Variants in ACSM4 observed in about 807,000 individuals in gnomAD.
ACSM4 encodes acyl-CoA synthetase medium chain family member 4.
Under a neutral mutation model 73.0 loss-of-function variants are expected in ACSM4, and 66 were observed. The observed-to-expected ratio is 0.90, with a 90% CI of 0.74 to 1.11. The LOEUF is 1.11. ACSM4 is among the 50% of genes least tolerant of loss of function. The pLI, the probability that ACSM4 is intolerant of heterozygous loss-of-function variation, is 0.00. For synonymous variants in ACSM4, 222 were observed against 254.0 expected (o/e 0.87, Z 1.20); for missense variants, 645 against 714.4 (o/e 0.90, Z 1.11).
chr12:7,324,264 G>GT lies in ACSM4; in HGVS notation c.1309-9_1309-8insT. 1 of 1,611,096 alleles carries GT rather than the reference G, an allele frequency of 6.2e-7. No individual in the cohort carries two copies. Among genetic ancestry groups the GT allele is most frequent in the African/African-American group, 1.3e-5 (1 of 74,992 alleles). On this transcript the variant is annotated splice_polypyrimidine_tract_variant and intron_variant, in intron 9 of 12. Transcript: ENST00000399422. ...AGACTAATCCCCAAATGTCATCCTT[G>GT]GTTCCCAGGACAATCCACAGAAAAC...
intron 3 of ACSM4, among the ~76,000 whole-genome samples, chr12:7,312,723 T>C (rs1326774387): frequency 6.6e-6 from 1 of 152,228 alleles, no homozygotes; most frequent in Non-Finnish European, 1.5e-5. Flanking sequence ...GTTGCAGAAG[T>C]ATCAAATGTG....
rs146719608 is a variant in ACSM4 at position 7,309,924 on chromosome 12, T to G, written c.413-615T>G. The stretch of plus-strand genomic sequence containing the variant: ...TAGGCCTCCTGAGTAGCTGGGACTA[T>G]AGGCGTGCGCCACCACACCTGGCTA... On this transcript the variant is annotated intron_variant, in intron 2 of 12. Coordinates refer to ENST00000399422, the MANE Select transcript of ACSM4 (RefSeq NM_001080454.2). 3.2e-4 allele frequency among the ~76,000 whole-genome samples: 48 copies of G among 152,226 alleles called. No individual in the cohort carries two copies. The East Asian group carries it at 8.9e-3, about 28-fold the overall frequency.
intron 3 of ACSM4, among the ~76,000 whole-genome samples, chr12:7,311,375 A>G (rs1946389318): frequency 6.6e-6 from 1 of 151,616 alleles, no homozygotes; most frequent in South Asian, 2.1e-4. Flanking sequence ...TTCCTCAAAC[A>G]TGCCCTACCT....
At chr12:7,319,047 G>A (rs959530585) in intron 5 of ACSM4, among the ~76,000 whole-genome samples, 9 of 152,144 alleles carry the variant, frequency 5.9e-5, no homozygotes, top group Non-Finnish European at 1.0e-4. Flanking sequence ...AAATTATAAT[G>A]TATAACGAAA....
At position 7,320,795 on chromosome 12, in the gene ACSM4, A is replaced by G. The variant is rs866756202; in HGVS notation, c.992A>G (p.Asp331Gly). 1 of 1,612,594 alleles carries G rather than the reference A, an allele frequency of 6.2e-7. No homozygotes were observed. Among genetic ancestry groups the G allele is most frequent in the South Asian group, 1.1e-5 (1 of 91,014 alleles). ...GTGTACCGGATGCTCGTGCAAAAAG[A>G]CCTTAAGAGGTACTTGGGCAGAAAT... ...PTVYRMLVQK[D>G]LKRYKFKSLR... The change falls in exon 6 of 13, where the codon GAC becomes GGC. Residue 331 changes from aspartate (D) to glycine (G), a missense_variant. Physicochemically the swap from Asp to Gly is moderately conservative, Grantham distance 94. Coordinates refer to ENST00000399422, the MANE Select transcript of ACSM4 (RefSeq NM_001080454.2).
chr12:7,328,307 C>T lies in ACSM4; in HGVS notation c.1677C>T (p.Leu559=), dbSNP rs770919363. 1.0e-5 allele frequency: 16 copies of T among 1,590,082 alleles called. No individual in the cohort carries two copies. The highest frequency in any genetic ancestry group is 1.8e-5 in the Admixed American group (1 of 56,992). Residue 559 remains leucine (L), a synonymous_variant, in exon 13 of 13, where the codon CTC becomes CTT. Transcript: ENST00000399422. ...ATTAGGTGGAATTTGTTCAAGAACT[C>T]CCAAAGACAATCACTGGGAAAATCA... The part of the protein sequence containing the change: ...YPRKVEFVQE[L]PKTITGKIKR...
intron 12 of ACSM4, among the ~76,000 whole-genome samples, chr12:7,327,764 G>C (rs1204343255): frequency 2.0e-5 from 3 of 152,102 alleles, no homozygotes; most frequent in Non-Finnish European, 2.9e-5. Context: ...CTAAATCAGT[G>C]ACTGTTGACT....
intron 1 of ACSM4, among the ~76,000 whole-genome samples, chr12:7,306,075 A>G (rs150882850): frequency 7.9e-5 from 12 of 152,332 alleles, no homozygotes; most frequent in Middle Eastern, 3.4e-3. Flanking sequence ...GATGGGAAAG[A>G]ATCTAATTTA....
rs1474489007 is a variant in ACSM4 at position 7,324,599 on chromosome 12, G to A, written c.1536+1G>A. ...TAGTCCAGATCAAATCCGCGGAGAG[G>A]TAGATGAATGTCATTTATTAAAGAA... is the stretch of plus-strand genomic sequence containing the variant. On this transcript the variant is annotated splice_donor_variant, in intron 11 of 12. Transcript: ENST00000399422. LOFTEE classifies it high-confidence loss of function. The A allele has an allele frequency of 1.5e-5, 24 of 1,613,442 alleles. No homozygotes were observed. Among genetic ancestry groups the A allele is most frequent in the South Asian group, 2.2e-5 (2 of 91,068 alleles).
chr12:7,328,313 G>T lies in ACSM4; in HGVS notation c.1683G>T (p.Lys561Asn). 3.1e-6 allele frequency: 5 copies of T among 1,592,556 alleles called. No individual in the cohort carries two copies. Among genetic ancestry groups the T allele is most frequent in the South Asian group, 1.1e-5 (1 of 87,026 alleles). ...RKVEFVQELP[K>N]TITGKIKRNV... ...TGGAATTTGTTCAAGAACTCCCAAA[G>T]ACAATCACTGGGAAAATCAAACGCA... Residue 561 changes from lysine to asparagine, a missense_variant, in exon 13 of 13, where the codon AAG (lysine) becomes AAT (asparagine). Lys to Asn is a moderately conservative substitution (Grantham distance 94). Transcript: ENST00000399422.
At chr12:7,306,479 A>C in intron 1 of ACSM4, 54 bp from the exon 2 acceptor site, 1 of 1,491,236 alleles carries the variant, frequency 6.7e-7, no homozygotes, top group Non-Finnish European at 9.1e-7. Context: ...GCCGCATGTA[A>C]GAGTAATCAG....
intron 12 of ACSM4, 71 bp from the exon 13 acceptor site, chr12:7,328,216 C>T: frequency 8.4e-7 from 1 of 1,192,018 alleles, no homozygotes; most frequent in Non-Finnish European, 1.2e-6. Context: ...TCCATGCAAG[C>T]TCCTTCCTAT....
rs371304293 is a variant in ACSM4, at chr12:7,308,381, A to C, written c.412+1638A>C. Among the ~76,000 whole-genome samples the C allele has an allele frequency of 1.7e-4, 26 of 152,334 alleles. No homozygotes were observed. In the East Asian group the frequency reaches 4.4e-3, roughly 26 times the overall value. On this transcript the variant is annotated intron_variant, in intron 2 of 12. Transcript: ENST00000399422. ...ACATAAAACACTAAATTAAATGTAA[A>C]GCAAGGAGGTGAGATTATATTTTCT... is the stretch of plus-strand genomic sequence containing the variant.
At chr12:7,310,451 T>C (rs985212250) in intron 2 of ACSM4, 88 bp from the exon 3 acceptor site, 155 of 1,290,044 alleles carry the variant, frequency 1.2e-4, no homozygotes, top group Non-Finnish European at 1.6e-4. Flanking sequence ...GAATGGATTG[T>C]GATGCTTCTC....
intron 5 of ACSM4, among the ~76,000 whole-genome samples, chr12:7,319,258 A>G (rs973638063): frequency 2.0e-5 from 3 of 152,106 alleles, no homozygotes; most frequent in Admixed American, 6.5e-5. Flanking sequence ...TAATGCCACC[A>G]TTGACCTGAC....
rs898822222 is a variant in ACSM4, at chr12:7,305,964, G to A, written c.202-569G>A. On this transcript the variant is annotated intron_variant, in intron 1 of 12. Transcript: ENST00000399422. ...AAGTCAATAAATTGATGCCTCCCTC[G>A]ACCCTGCTCCTTGTGACTTGTGAAA... 3.0e-4 allele frequency among the ~76,000 whole-genome samples: 46 copies of A among 152,134 alleles called. 1 individual carries two copies. Among genetic ancestry groups the A allele is most frequent in the African/African-American group, 1.0e-3 (42 of 41,440 alleles).
intron 2 of ACSM4, among the ~76,000 whole-genome samples, chr12:7,310,206 G>A (rs1946382496): frequency 6.6e-6 from 1 of 152,182 alleles, no homozygotes; most frequent in African/African-American, 2.4e-5. Context: ...ATGTTACATA[G>A]TAATGGCCCA....
Position 7,310,492 on chromosome 12 carries a change from C to A in ACSM4, c.413-47C>A, listed in dbSNP as rs1372118822. On this transcript the variant is annotated intron_variant, in intron 2 of 12. Transcript: ENST00000399422. ...CGAGGCACAAAGCCCAAGTCTTCCA[C>A]AATGGACAGCAGTTCTGTTCAGTGC... The A allele has an allele frequency of 2.6e-6, 4 of 1,539,264 alleles. No individual in the cohort carries two copies. In the East Asian group the frequency reaches 7.1e-5, roughly 27 times the overall value.
intron 3 of ACSM4, among the ~76,000 whole-genome samples, 190 bp downstream of exon 3, chr12:7,310,936 T>G (rs1464086394): frequency 6.6e-6 from 1 of 151,970 alleles, no homozygotes; most frequent in Non-Finnish European, 1.5e-5. Context: ...GAGGCTGAGG[T>G]GGGTGGATCA....
Sources: gnomAD v4.1 joint callset for allele counts (sites outside exome capture counted in the v4.1 genomes callset) on GRCh38, gnomAD v4.1.1 for gene constraint, MANE v1.5 for transcripts, NCBI Gene and HGNC (gene_info 2026-07-23, HGNC 2026-07-21) for gene names.